KIAA0825: variants seen among roughly 807,000 people sequenced by gnomAD.
The protein encoded by KIAA0825 is KIAA0825, also known as uncharacterized protein KIAA0825.
Under a neutral mutation model 147.6 loss-of-function variants are expected in KIAA0825, and 119 were observed. The observed-to-expected ratio is 0.81, with a 90% confidence interval of 0.69 to 0.94. The LOEUF (loss-of-function observed/expected upper bound fraction) is 0.94. Ranked by LOEUF, KIAA0825 falls within the 40% of genes least tolerant of loss-of-function variation. The probability of loss-of-function intolerance (pLI) is 0.00; values close to 1 mark genes in which losing one functional copy is unlikely to be tolerated. For synonymous variants in KIAA0825, 470 were observed against 518.1 expected (o/e 0.91, Z 1.26); for missense variants, 1,381 against 1,472.7 (o/e 0.94, Z 1.02).
At chr5:94,324,093 C>T (rs1780455157) in intron 20 of KIAA0825, among the ~76,000 whole-genome samples, 1 of 151,924 alleles carries the variant, frequency 6.6e-6, no homozygotes, top group Non-Finnish European at 1.5e-5. Context: ...CTTCGTCTTT[C>T]GTGGCATTAT....
chr5:94,470,264 A>G (rs1304184255), intron 9 of KIAA0825, among the ~76,000 whole-genome samples, 153 bp from the exon 10 acceptor site: 5 of 152,112 alleles, frequency 3.3e-5, no homozygotes, highest in Non-Finnish European at 7.4e-5. Flanking sequence ...CTTTCCAAAA[A>G]GGAAAAAAAA....
At chr5:94,484,977 T>A (rs750736745) in intron 5 of KIAA0825, 47 bp from the exon 6 acceptor site, 1 of 1,221,842 alleles carries the variant, frequency 8.2e-7, no homozygotes, top group Admixed American at 3.0e-5. Flanking sequence ...ATTTACCTTC[T>A]TAGTAAATAT....
intron 20 of KIAA0825, among the ~76,000 whole-genome samples, chr5:94,164,749 G>T (rs531059605): frequency 3.8e-4 from 58 of 152,114 alleles, no homozygotes; most frequent in Non-Finnish European, 6.9e-4. Flanking sequence ...CTAAGAACAT[G>T]CACTGGGGAA....
rs116771389 is a variant in KIAA0825 at position 94,327,563 on chromosome 5, C to T, written c.3710+56805G>A. ...GTTATCTCTCATTTATACCAAGTCC[C>T]GGTAAAGTGGCACACTTGACAACAA... On this transcript the variant is annotated intron_variant, in intron 20 of 20. Transcript: ENST00000682413. Among the ~76,000 whole-genome samples the T allele has an allele frequency of 2.9e-3, 434 of 152,164 alleles. 2 individuals are homozygous for T. Among genetic ancestry groups the T allele is most frequent in the African/African-American group, 9.9e-3 (411 of 41,506 alleles).
intron 20 of KIAA0825, among the ~76,000 whole-genome samples, chr5:94,351,332 A>AAACAAC (rs138236479): frequency 9.2e-5 from 14 of 152,032 alleles, no homozygotes; most frequent in Non-Finnish European, 1.9e-4. Context: ...ATAGCTGAAA[A>AAACAAC]AACAACAACA....
chr5:94,473,234 A>C, intron 8 of KIAA0825, 58 bp downstream of exon 8: 1 of 1,367,556 alleles, frequency 7.3e-7, no homozygotes, highest in South Asian at 1.3e-5. Flanking sequence ...GCAATGCCTT[A>C]TACTAAAATA....
At chr5:94,401,109 C>T (rs1045788076) in intron 16 of KIAA0825, among the ~76,000 whole-genome samples, 2 of 151,956 alleles carry the variant, frequency 1.3e-5, no homozygotes, top group Admixed American at 6.6e-5. Flanking sequence ...GTTTTGGATA[C>T]TTAGTGTAGA....
chr5:94,427,794 A>G (rs1299981373), intron 14 of KIAA0825, among the ~76,000 whole-genome samples: 1 of 152,058 alleles, frequency 6.6e-6, no homozygotes, highest in Non-Finnish European at 1.5e-5. Context: ...AAACCTTTTC[A>G]TAGGTCTAGA....
chr5:94,562,772 A>G (rs1777779634), intron 2 of KIAA0825, among the ~76,000 whole-genome samples: 1 of 152,204 alleles, frequency 6.6e-6, no homozygotes, highest in African/African-American at 2.4e-5. Flanking sequence ...AATTGAGAGG[A>G]AAGAACCTAG....
chr5:94,496,316 A>T (rs1764346775), intron 5 of KIAA0825, among the ~76,000 whole-genome samples: 1 of 152,214 alleles, frequency 6.6e-6, no homozygotes, highest in Non-Finnish European at 1.5e-5. Flanking sequence ...CCACTGATCT[A>T]TGGCTACTCT....
At chr5:94,608,014 T>C (rs1287109353) in intron 1 of KIAA0825, among the ~76,000 whole-genome samples, 2 of 152,154 alleles carry the variant, frequency 1.3e-5, no homozygotes, top group Admixed American at 6.5e-5. Context: ...TAATCCAAGA[T>C]AATCTCACTA....
chr5:94,398,294 A>G (rs1300355003), intron 16 of KIAA0825, among the ~76,000 whole-genome samples: 1 of 152,200 alleles, frequency 6.6e-6, no homozygotes, highest in Admixed American at 6.6e-5. Context: ...CTCTGCTGTG[A>G]TAATTTTAGC....
chr5:94,566,900 C>A (rs1778811496), intron 2 of KIAA0825, among the ~76,000 whole-genome samples: 2 of 151,684 alleles, frequency 1.3e-5, no homozygotes, highest in South Asian at 4.1e-4. Context: ...TTTTTTTGGC[C>A]TCCATGCAGA....
intron 2 of KIAA0825, among the ~76,000 whole-genome samples, chr5:94,545,709 C>T (rs1774217078): frequency 6.6e-6 from 1 of 152,204 alleles, no homozygotes; most frequent in Non-Finnish European, 1.5e-5. Context: ...ACTAACAACG[C>T]TATCCAGGTA....
At chr5:94,420,912 G>C (rs1320284266) in intron 14 of KIAA0825, among the ~76,000 whole-genome samples, 1 of 149,362 alleles carries the variant, frequency 6.7e-6, no homozygotes, top group East Asian at 1.9e-4. Flanking sequence ...ATAATTACCT[G>C]CTAGTCATAA....
intron 1 of KIAA0825, among the ~76,000 whole-genome samples, chr5:94,587,826 T>G (rs1032661360): frequency 6.6e-6 from 1 of 152,212 alleles, no homozygotes; most frequent in African/African-American, 2.4e-5. Flanking sequence ...CAAAACAGCA[T>G]GCTACTGGTA....
intron 20 of KIAA0825, among the ~76,000 whole-genome samples, chr5:94,295,724 C>T (rs1312338164): frequency 6.6e-6 from 1 of 152,198 alleles, no homozygotes; most frequent in Non-Finnish European, 1.5e-5. Context: ...CCAGTCCAGA[C>T]CCTGTTTGAC....
intron 20 of KIAA0825, among the ~76,000 whole-genome samples, chr5:94,216,635 AT>A (rs2150054848): frequency 6.6e-6 from 1 of 152,254 alleles, no homozygotes; most frequent in East Asian, 1.9e-4. Context: ...CTAGGACTAT[AT>A]TTAGGGAGGA....
At chr5:94,317,093 C>T (rs1224427455) in intron 20 of KIAA0825, among the ~76,000 whole-genome samples, 1 of 151,818 alleles carries the variant, frequency 6.6e-6, no homozygotes, top group African/African-American at 2.4e-5. Context: ...TCACTTCTCA[C>T]TTATCAATAG....
Sources: gnomAD v4.1 joint callset for allele counts (sites outside exome capture counted in the v4.1 genomes callset) on GRCh38, gnomAD v4.1.1 for gene constraint, MANE v1.5 for transcripts, NCBI Gene and HGNC (gene_info 2026-07-23, HGNC 2026-07-21) for gene names.